The following ST6GALNAC3 variants were observed in gnomAD, a reference collection of about 807,000 sequenced individuals.
The protein encoded by ST6GALNAC3 is ST6 N-acetylgalactosaminide alpha-2,6-sialyltransferase 3, also known as alpha-N-acetylgalactosaminide alpha-2,6-sialyltransferase 3.
Under a neutral mutation model 32.7 loss-of-function variants are expected in ST6GALNAC3, and 25 were observed. The ratio of observed to expected loss-of-function variants is 0.76; its 90% CI spans 0.56 to 1.07. The LOEUF is 1.07. Among genes scored for constraint, ST6GALNAC3 ranks in the 50% least tolerant of loss-of-function variants. The pLI is 0.00. For synonymous variants in ST6GALNAC3, 129 were observed against 133.1 expected, an observed-to-expected ratio of 0.97 and a Z score of 0.21; for missense variants, 355 against 382.4, an observed-to-expected ratio of 0.93 and a Z score of 0.60.
chr1:76,195,416 A>G (rs1226719353), intron 1 of ST6GALNAC3, among the ~76,000 whole-genome samples: 1 of 152,246 alleles, frequency 6.6e-6, no homozygotes, highest in African/African-American at 2.4e-5. Flanking sequence ...TTCATCACAC[A>G]GAATATTAAA....
chr1:76,388,739 A>G (rs745473872), intron 2 of ST6GALNAC3, among the ~76,000 whole-genome samples: 7 of 152,148 alleles, frequency 4.6e-5, no homozygotes, highest in Non-Finnish European at 7.4e-5. Flanking sequence ...TTTATCTTAC[A>G]TTCTGAATGT....
At chr1:76,092,719 G>A (rs1647066103) in intron 1 of ST6GALNAC3, among the ~76,000 whole-genome samples, 2 of 152,166 alleles carry the variant, frequency 1.3e-5, no homozygotes, top group Admixed American at 1.3e-4. Flanking sequence ...CAAGGGCCCT[G>A]CATTTTTATT....
At chr1:76,580,330 G>A (rs1168110112) in intron 3 of ST6GALNAC3, among the ~76,000 whole-genome samples, 1 of 152,076 alleles carries the variant, frequency 6.6e-6, no homozygotes, top group Non-Finnish European at 1.5e-5. Flanking sequence ...TGGAATCCCA[G>A]GGATTTTGGA....
chr1:76,622,244 A>C (rs961698320), intron 3 of ST6GALNAC3, among the ~76,000 whole-genome samples: 1 of 151,922 alleles, frequency 6.6e-6, no homozygotes, highest in African/African-American at 2.4e-5. Context: ...TCCTTGTCCC[A>C]CCTGATACTT....
intron 1 of ST6GALNAC3, among the ~76,000 whole-genome samples, chr1:76,081,447 A>G (rs1186538949): frequency 1.3e-5 from 2 of 152,186 alleles, no homozygotes; most frequent in Non-Finnish European, 2.9e-5. Context: ...GTAAATATTT[A>G]TAGGGATTCT....
At chr1:76,149,678 A>T (rs182970618) in intron 1 of ST6GALNAC3, among the ~76,000 whole-genome samples, 1,880 of 152,022 alleles carry the variant, frequency 0.012, 40 homozygotes, top group African/African-American at 0.043. Flanking sequence ...CCATTGTTCC[A>T]TTGTGTATTT....
At chr1:76,559,226 C>A (rs911417722) in intron 3 of ST6GALNAC3, among the ~76,000 whole-genome samples, 11 of 152,074 alleles carry the variant, frequency 7.2e-5, no homozygotes, top group Admixed American at 5.2e-4. Context: ...CGGGAAGCTA[C>A]TGAAGAATTT....
At chr1:76,159,242 G>A (rs925855455) in intron 1 of ST6GALNAC3, among the ~76,000 whole-genome samples, 3 of 152,174 alleles carry the variant, frequency 2.0e-5, no homozygotes, top group Admixed American at 1.3e-4. Context: ...AGGCTGGAGT[G>A]CAGTGGCACG....
At chr1:76,530,852 C>G (rs1663207022) in intron 3 of ST6GALNAC3, among the ~76,000 whole-genome samples, 1 of 152,094 alleles carries the variant, frequency 6.6e-6, no homozygotes, top group South Asian at 2.1e-4. Flanking sequence ...ACTCCAAATG[C>G]TATATTCTAG....
intron 3 of ST6GALNAC3, among the ~76,000 whole-genome samples, chr1:76,616,902 C>G (rs1648330019): frequency 6.6e-6 from 1 of 152,136 alleles, no homozygotes; most frequent in Non-Finnish European, 1.5e-5. Flanking sequence ...GTAAAATTAG[C>G]CTTTCTTAAC....
chr1:76,375,741 C>T (rs938142778), intron 2 of ST6GALNAC3, among the ~76,000 whole-genome samples: 1 of 151,914 alleles, frequency 6.6e-6, no homozygotes, highest in African/African-American at 2.4e-5. Context: ...ATTTTTTGTT[C>T]GATCATATTT....
At chr1:76,299,003 T>G (rs1241259700) in intron 1 of ST6GALNAC3, among the ~76,000 whole-genome samples, 1 of 152,070 alleles carries the variant, frequency 6.6e-6, no homozygotes, top group African/African-American at 2.4e-5. Context: ...AAAGGCTTTG[T>G]GAAAATCAGG....
chr1:76,370,387 G>T (rs941893214), intron 2 of ST6GALNAC3, among the ~76,000 whole-genome samples: 4 of 152,192 alleles, frequency 2.6e-5, no homozygotes, highest in African/African-American at 4.8e-5. Flanking sequence ...TCAATTTAAA[G>T]ACCTTCCTTT....
At chr1:76,427,584 T>A (rs944652895) in intron 3 of ST6GALNAC3, among the ~76,000 whole-genome samples, 13 of 151,788 alleles carry the variant, frequency 8.6e-5, no homozygotes, top group African/African-American at 3.2e-4. Context: ...GGACCAACAG[T>A]TTTTCTTGGG....
intron 2 of ST6GALNAC3, among the ~76,000 whole-genome samples, chr1:76,362,954 A>G (rs1271821724): frequency 6.6e-6 from 1 of 152,186 alleles, no homozygotes; most frequent in Non-Finnish European, 1.5e-5. Flanking sequence ...CAGCTCCTCT[A>G]GGCAGTGCCC....
chr1:76,383,289 G>A lies in ST6GALNAC3; in HGVS notation c.214-28719G>A, dbSNP rs538545062. On this transcript the variant is annotated intron_variant, in intron 2 of 4. Transcript: ENST00000328299. ...TTTATTTATTTTTTTTAAAGTTGTA[G>A]AGACAGAGTCTTGCTCTGTCACCCA... is the stretch of plus-strand genomic sequence containing the variant. Among the ~76,000 whole-genome samples the A allele has an allele frequency of 2.2e-4, 34 of 152,086 alleles. 2 individuals carry two copies. In the East Asian group the frequency reaches 6.0e-3, roughly 27 times the overall value.
chr1:76,439,519 C>T (rs936649766), intron 3 of ST6GALNAC3, among the ~76,000 whole-genome samples: 6 of 152,156 alleles, frequency 3.9e-5, no homozygotes, highest in African/African-American at 1.4e-4. Flanking sequence ...AAAAGTATAC[C>T]AGCTCAGAAA....
At chr1:76,464,098 C>A (rs1658468913) in intron 3 of ST6GALNAC3, among the ~76,000 whole-genome samples, 1 of 152,098 alleles carries the variant, frequency 6.6e-6, no homozygotes. Flanking sequence ...TTTTGCTATA[C>A]CCTCACCACA....
intron 1 of ST6GALNAC3, among the ~76,000 whole-genome samples, chr1:76,191,439 C>A (rs150533103): frequency 6.6e-6 from 1 of 152,016 alleles, no homozygotes; most frequent in Non-Finnish European, 1.5e-5. Context: ...AGGAAGACTG[C>A]GTTCCGGTGT....
Sources: allele counts gnomAD v4.1 joint callset (sites outside exome capture counted in the v4.1 genomes callset), GRCh38; gene constraint gnomAD v4.1.1; transcripts MANE v1.5; gene names NCBI Gene and HGNC (gene_info 2026-07-23, HGNC 2026-07-21).